The following PRCP variants were observed in gnomAD, a reference collection of about 807,000 sequenced individuals.
PRCP encodes lysosomal Pro-X carboxypeptidase.
Under a neutral mutation model 54.2 loss-of-function variants are expected in PRCP, and 46 were observed. The observed-to-expected ratio is 0.85, with a 90% CI of 0.67 to 1.09. PRCP has a LOEUF of 1.09. Among genes scored for constraint, PRCP ranks in the 50% least tolerant of loss-of-function variants. The pLI, the probability that PRCP is intolerant of heterozygous loss-of-function variation, is 0.00. For missense variants in PRCP, 613 were observed against 596.8 expected, an observed-to-expected ratio of 1.03 and a Z score of -0.28; for synonymous variants, 240 against 212.2, an observed-to-expected ratio of 1.13 and a Z score of -1.14.
At chr11:82,897,058 A>T (rs1860134359) in intron 1 of PRCP, among the ~76,000 whole-genome samples, 1 of 152,148 alleles carries the variant, frequency 6.6e-6, no homozygotes, top group African/African-American at 2.4e-5. Context: ...AGCATGCAAC[A>T]TTGTAACCAC....
At chr11:82,827,952 TG>T (rs372639476) in intron 8 of PRCP, 2 of 152,228 alleles carry the variant, frequency 1.3e-5, no homozygotes, top group Middle Eastern at 3.2e-3. Flanking sequence ...TTGTTTCCAA[TG>T]TATATATCTT....
At chr11:82,850,589 T>G in intron 3 of PRCP, 84 bp from the exon 4 acceptor site, 1 of 1,104,720 alleles carries the variant, frequency 9.1e-7, no homozygotes, top group Non-Finnish European at 1.2e-6. Context: ...AGAGAGCCAG[T>G]GTCAGATAAG....
At chr11:82,852,228 A>G (rs1858974960) in intron 3 of PRCP, among the ~76,000 whole-genome samples, 1 of 152,202 alleles carries the variant, frequency 6.6e-6, no homozygotes, top group African/African-American at 2.4e-5. Flanking sequence ...ATATCAGCAA[A>G]TCATCCCACT....
chr11:82,855,662 A>T (rs919605209), intron 2 of PRCP, among the ~76,000 whole-genome samples: 1 of 152,136 alleles, frequency 6.6e-6, no homozygotes, highest in Non-Finnish European at 1.5e-5. Context: ...AATTTACAAG[A>T]AAAAACAACC....
intron 1 of PRCP, among the ~76,000 whole-genome samples, chr11:82,891,404 C>A (rs1860007198): frequency 6.6e-6 from 1 of 152,160 alleles, no homozygotes; most frequent in Non-Finnish European, 1.5e-5. Context: ...CCCCCTTTCC[C>A]CTACATAGTC....
chr11:82,848,075 T>A (rs1024402485), intron 6 of PRCP, among the ~76,000 whole-genome samples: 2 of 152,220 alleles, frequency 1.3e-5, no homozygotes, highest in Non-Finnish European at 2.9e-5. Context: ...AAGTTACAAA[T>A]TTTTAAGCAA....
intron 6 of PRCP, among the ~76,000 whole-genome samples, chr11:82,848,735 C>T (rs1267071737): frequency 6.6e-6 from 1 of 152,164 alleles, no homozygotes; most frequent in Non-Finnish European, 1.5e-5. Flanking sequence ...ATGCAAAGTA[C>T]ACAGCCCAGG....
chr11:82,884,355 C>T (rs1048362864), intron 1 of PRCP, among the ~76,000 whole-genome samples: 1 of 152,086 alleles, frequency 6.6e-6, no homozygotes, highest in Non-Finnish European at 1.5e-5. Context: ...CCCAGGAATT[C>T]GAGACCAACC....
At chr11:82,867,879 A>C (rs928591403) in intron 1 of PRCP, among the ~76,000 whole-genome samples, 3 of 152,002 alleles carry the variant, frequency 2.0e-5, no homozygotes, top group Non-Finnish European at 2.9e-5. Context: ...ACACCACCAC[A>C]CCCGGTTTGT....
At chr11:82,868,527 C>T (rs1859396061) in intron 1 of PRCP, among the ~76,000 whole-genome samples, 1 of 152,122 alleles carries the variant, frequency 6.6e-6, no homozygotes, top group East Asian at 1.9e-4. Context: ...AAAGTCACCA[C>T]CCTGCCTGAG....
At chr11:82,863,872 G>A (rs1334446476) in intron 1 of PRCP, among the ~76,000 whole-genome samples, 1 of 152,142 alleles carries the variant, frequency 6.6e-6, no homozygotes, top group Non-Finnish European at 1.5e-5. Flanking sequence ...AAAGAGAGAG[G>A]AACCCTGGCA....
intron 2 of PRCP, among the ~76,000 whole-genome samples, chr11:82,854,235 T>A (rs991383917): frequency 2.6e-5 from 4 of 152,312 alleles, no homozygotes; most frequent in African/African-American, 9.6e-5. Flanking sequence ...ACAAATGATA[T>A]GATGCTATAC....
At chr11:82,844,188 G>A (rs889507149) in intron 6 of PRCP, among the ~76,000 whole-genome samples, 1 of 152,042 alleles carries the variant, frequency 6.6e-6, no homozygotes, top group Non-Finnish European at 1.5e-5. Context: ...CATTACAATT[G>A]TTATTATACA....
Position 82,860,007 on chromosome 11 carries a change from T to C in PRCP, c.279A>G (p.Glu93=). 6.3e-7 allele frequency: 1 copy of C among 1,590,302 alleles called. No individual in the cohort carries two copies. The change falls in exon 2 of 9, where the codon GAA becomes GAG. Residue 93 remains glutamate, a synonymous_variant. Coordinates refer to ENST00000313010, the MANE Select transcript of PRCP (RefSeq NM_005040.4). The part of the protein sequence containing the change: ...GGSILFYTGN[E]GDIIWFCNNT... ...TATTACAAAACCAGATAATGTCCCCTTCATTACCAGTGTAGAAAAGTATTG... is the reference window on the plus strand; with the variant it reads ...TATTACAAAACCAGATAATGTCCCCCTCATTACCAGTGTAGAAAAGTATTG...
At chr11:82,893,608 A>G (rs1463149012) in intron 1 of PRCP, among the ~76,000 whole-genome samples, 2 of 152,144 alleles carry the variant, frequency 1.3e-5, no homozygotes, top group African/African-American at 4.8e-5. Flanking sequence ...CCTGGGCAAC[A>G]TAACGAGATC....
intron 2 of PRCP, among the ~76,000 whole-genome samples, chr11:82,857,437 T>C (rs998291790): frequency 3.9e-5 from 6 of 152,088 alleles, no homozygotes; most frequent in Admixed American, 2.6e-4. Context: ...CAAACAGGTG[T>C]CTGGCTCCAG....
At chr11:82,899,789 G>C (rs951649888) in intron 1 of PRCP, among the ~76,000 whole-genome samples, 2 of 152,216 alleles carry the variant, frequency 1.3e-5, no homozygotes, top group African/African-American at 4.8e-5. Flanking sequence ...CTGGCTTTTA[G>C]GATGGATAAC....
chr11:82,826,894 G>A (rs1185626146), intron 8 of PRCP: 1 of 152,126 alleles, frequency 6.6e-6, no homozygotes, highest in Non-Finnish European at 1.5e-5. Context: ...ACACACTTTG[G>A]TTCCAATTTC....
chr11:82,884,142 A>C (rs991506563), intron 1 of PRCP, among the ~76,000 whole-genome samples: 1 of 152,250 alleles, frequency 6.6e-6, no homozygotes, highest in Admixed American at 6.5e-5. Context: ...GTACTTCCTT[A>C]CTTTCCTATC....
Sources: allele counts gnomAD v4.1 joint callset (sites outside exome capture counted in the v4.1 genomes callset), GRCh38; gene constraint gnomAD v4.1.1; transcripts MANE v1.5; gene names NCBI Gene and HGNC (gene_info 2026-07-23, HGNC 2026-07-21).